The following COL4A1 variants were observed in gnomAD, a reference collection of about 807,000 sequenced individuals.
COL4A1 encodes the protein collagen alpha-1(IV) chain.
A neutral mutation model predicts 216.6 loss-of-function variants in COL4A1; 40 were observed. That is an observed-to-expected ratio of 0.18 (90% CI 0.14 to 0.24). The LOEUF (loss-of-function observed/expected upper bound fraction) is 0.24, where lower values mean the gene tolerates loss of function less well. COL4A1 is among the 10% of genes least tolerant of loss of function. The pLI is 1.00. For missense variants in COL4A1, 1,628 were observed against 2,196.8 expected, an observed-to-expected ratio of 0.74 and a Z score of 5.18; for synonymous variants, 839 against 810.7, an observed-to-expected ratio of 1.03 and a Z score of -0.59.
chr13:110,273,172 C>T (rs953210774), intron 1 of COL4A1, among the ~76,000 whole-genome samples: 1 of 152,244 alleles, frequency 6.6e-6, no homozygotes, highest in East Asian at 1.9e-4. Context: ...CCTGGCAAAT[C>T]ACTCACATGA....
Position 110,173,713 on chromosome 13 carries a change from C to A in COL4A1, c.3505+187G>T, listed in dbSNP as rs148558362. ...AGTATTTATGGGATAATAAATACCC[C>A]TTCCCTTCTTCCCCTCCACTCATCC... On this transcript the variant is annotated intron_variant, in intron 40 of 51. Coordinates refer to ENST00000375820, the MANE Select transcript of COL4A1 (RefSeq NM_001845.6). Among the ~76,000 whole-genome samples the A allele has an allele frequency of 6.8e-3, 1,039 of 152,248 alleles. 13 individuals are homozygous for A. The highest frequency in any genetic ancestry group is 0.023 in the African/African-American group (957 of 41,544).
At chr13:110,306,600 G>A (rs12427430) in intron 1 of COL4A1, among the ~76,000 whole-genome samples, 1 of 152,110 alleles carries the variant, frequency 6.6e-6, no homozygotes, top group South Asian at 2.1e-4. Flanking sequence ...CACCCGGGAC[G>A]GGTGAAGGCG....
chr13:110,209,858 C>T lies in COL4A1; in HGVS notation c.615+122G>A, dbSNP rs1182472338. 2.3e-5 allele frequency: 28 copies of T among 1,214,098 alleles called. 2 individuals carry two copies. The South Asian group carries it at 2.8e-4, about 12-fold the overall frequency. 75.2% of individuals were successfully genotyped at this position (1,214,098 alleles called of 1,614,324 possible). On this transcript the variant is annotated intron_variant, in intron 10 of 51. Transcript: ENST00000375820. ...TTAGTAAGAGGGAAGCTGATTCCGC[C>T]ATGTCCAAATTAAGAGCGACCACAA...
intron 1 of COL4A1, among the ~76,000 whole-genome samples, chr13:110,267,788 G>C (rs560545258): frequency 9.9e-5 from 15 of 152,208 alleles, no homozygotes; most frequent in African/African-American, 3.6e-4. Flanking sequence ...TTCAAAATAA[G>C]ACACACAATA....
chr13:110,220,489 G>A (rs958604248), intron 2 of COL4A1, among the ~76,000 whole-genome samples: 4 of 152,112 alleles, frequency 2.6e-5, no homozygotes, highest in Non-Finnish European at 4.4e-5. Context: ...GTTGCCTATC[G>A]CACAATGCTA....
intron 1 of COL4A1, among the ~76,000 whole-genome samples, chr13:110,277,748 G>A (rs1883482746): frequency 6.6e-6 from 1 of 152,184 alleles, no homozygotes; most frequent in South Asian, 2.1e-4. Flanking sequence ...CCTTTGCAGA[G>A]CTGACCCTTG....
chr13:110,249,653 C>T (rs1881989876), intron 1 of COL4A1, among the ~76,000 whole-genome samples: 1 of 152,184 alleles, frequency 6.6e-6, no homozygotes. Flanking sequence ...GGTCCGTAGT[C>T]TGGGTTCACT....
chr13:110,212,550 G>C (rs775346892), intron 5 of COL4A1, 24 bp downstream of exon 5: 2 of 1,614,220 alleles, frequency 1.2e-6, no homozygotes, highest in South Asian at 1.1e-5. Context: ...CATAAAAGAA[G>C]TAGAGCACGT....
At chr13:110,292,630 A>G (rs1355982413) in intron 1 of COL4A1, among the ~76,000 whole-genome samples, 1 of 152,236 alleles carries the variant, frequency 6.6e-6, no homozygotes, top group Non-Finnish European at 1.5e-5. Context: ...ACATGGTAGC[A>G]GGAGAGAGAG....
chr13:110,189,288 C>G (rs974308928), intron 24 of COL4A1, among the ~76,000 whole-genome samples: 2 of 152,230 alleles, frequency 1.3e-5, no homozygotes. Flanking sequence ...GTCTCGAACT[C>G]CCGACCTCAG....
chr13:110,281,936 C>A (rs571822916), intron 1 of COL4A1, among the ~76,000 whole-genome samples: 2 of 152,332 alleles, frequency 1.3e-5, no homozygotes, highest in African/African-American at 4.8e-5. Context: ...CTGCTCAGAT[C>A]TCCATCAGTT....
Position 110,203,566 on chromosome 13 carries a change from A to G in COL4A1, c.999T>C (p.Ile333=), listed in dbSNP as rs532419313. The G allele has an allele frequency of 1.2e-6, 2 of 1,613,614 alleles. No homozygotes were observed. The highest frequency in any genetic ancestry group is 1.1e-5 in the South Asian group (1 of 91,074). The change falls in exon 18 of 52, where the codon ATT becomes ATC. Residue 333 remains isoleucine (I), a splice_region_variant and synonymous_variant. Coordinates refer to ENST00000375820, the MANE Select transcript of COL4A1 (RefSeq NM_001845.6). ...ACCCAGGGACAGCACTCTTACTCAC[A>G]ATTCCAGGTGGGCCAGGAGGACCTG... is the stretch of plus-strand genomic sequence containing the variant. ...GEAGPPGPPG[I]VIGTGPLGEK...
rs555812248 is a variant in COL4A1, at chr13:110,210,240, G to A, written c.469-28C>T. On this transcript the variant is annotated intron_variant, in intron 8 of 51. Coordinates refer to ENST00000375820, the MANE Select transcript of COL4A1 (RefSeq NM_001845.6). ...AGAGGATGAAGAAAGAAAATAGAAAGTTGCAAATATCGACATTCATGTAAA... is the reference window on the plus strand; with the variant it reads ...AGAGGATGAAGAAAGAAAATAGAAAATTGCAAATATCGACATTCATGTAAA... The A allele has an allele frequency of 9.3e-6, 15 of 1,604,974 alleles. No individual in the cohort carries two copies. In the East Asian group the frequency reaches 2.0e-4, roughly 21 times the overall value.
At chr13:110,252,887 CGTAT>C (rs1414743567) in intron 1 of COL4A1, among the ~76,000 whole-genome samples, 2 of 60,072 alleles carry the variant, frequency 3.3e-5, no homozygotes, top group Admixed American at 2.6e-4. Flanking sequence ...ACTATAAGTA[CGTAT>C]GTATTACATA....
intron 2 of COL4A1, among the ~76,000 whole-genome samples, chr13:110,230,555 G>GA (rs11431815): frequency 0.95 from 144,042 of 152,126 alleles, 68,689 homozygotes; most frequent in East Asian, 1. Context: ...GGTGGGACGG[G>GA]TGGTGCACCT....
intron 40 of COL4A1, among the ~76,000 whole-genome samples, chr13:110,173,354 G>A (rs1259897743): frequency 2.0e-5 from 3 of 151,624 alleles, no homozygotes; most frequent in African/African-American, 7.3e-5. Context: ...CCAAGTCAGG[G>A]GTAACCTGCT....
chr13:110,206,606 C>T (rs775366498), intron 15 of COL4A1, 59 bp downstream of exon 15: 75 of 1,572,956 alleles, frequency 4.8e-5, no homozygotes, highest in East Asian at 4.3e-4. Context: ...TGTGAATCTG[C>T]GATTTTCCGC....
chr13:110,211,271 G>A lies in COL4A1; in HGVS notation c.468+376C>T, dbSNP rs571590229. 6.6e-6 allele frequency among the ~76,000 whole-genome samples: 1 copy of A among 152,250 alleles called. No individual in the cohort carries two copies. Among genetic ancestry groups the A allele is most frequent in the African/African-American group, 2.4e-5 (1 of 41,532 alleles). Reference sequence around the variant, plus strand: ...TGAGGTCGGGCTGATGCCAGCAGCCGAGCCCCAAGACATCAACACCCCGCC... The same window carrying A: ...TGAGGTCGGGCTGATGCCAGCAGCCAAGCCCCAAGACATCAACACCCCGCC... On this transcript the variant is annotated intron_variant, in intron 8 of 51. Transcript: ENST00000375820. This position sits in a 1 kb window ranked among gnomAD's most constrained non-coding sequence, Gnocchi z 4.3.
intron 1 of COL4A1, among the ~76,000 whole-genome samples, chr13:110,286,813 T>A (rs1475878887): frequency 6.6e-6 from 1 of 152,220 alleles, no homozygotes; most frequent in Non-Finnish European, 1.5e-5. Flanking sequence ...TTTTCCCAAG[T>A]CCACACGATA....
Sources: gnomAD v4.1 joint callset for allele counts (sites outside exome capture counted in the v4.1 genomes callset) on GRCh38, gnomAD v4.1.1 for gene constraint, Gnocchi (gnomAD v3.1) non-coding constraint, MANE v1.5 for transcripts, NCBI Gene and HGNC (gene_info 2026-07-23, HGNC 2026-07-21) for gene names.